The following GOLGA8A variants were observed in gnomAD, a reference collection of about 807,000 sequenced individuals.
The protein encoded by GOLGA8A is golgin subfamily A member 8A.
In GOLGA8A, 3 loss-of-function variants were observed where a neutral mutation model predicts 22.1. The observed-to-expected ratio is 0.14, with a 90% CI of 0.06 to 0.35. GOLGA8A has a LOEUF of 0.35. Among genes scored for constraint, GOLGA8A ranks in the 10% least tolerant of loss-of-function variants. The pLI, the probability that GOLGA8A is intolerant of heterozygous loss-of-function variation, is 1.00. For synonymous variants in GOLGA8A, 7 were observed against 91.7 expected, an observed-to-expected ratio of 0.08 and a Z score of 5.28; for missense variants, 16 against 233.2, an observed-to-expected ratio of 0.07 and a Z score of 6.07.
At chr15:34,421,474 T>C (rs1198772403) in intron 2 of GOLGA8A, among the ~76,000 whole-genome samples, 1 of 139,528 alleles carries the variant, frequency 7.2e-6, no homozygotes, top group Non-Finnish European at 1.5e-5. Flanking sequence ...ACCCAGGAAA[T>C]GACGCACACG....
At chr15:34,426,237 G>A (rs1236413049) in intron 2 of GOLGA8A, among the ~76,000 whole-genome samples, 1 of 149,814 alleles carries the variant, frequency 6.7e-6, no homozygotes, top group Non-Finnish European at 1.5e-5. Flanking sequence ...TATTATGCAA[G>A]CGTCAGAATA....
intron 2 of GOLGA8A, among the ~76,000 whole-genome samples, chr15:34,434,458 C>T (rs1174895349): frequency 1.3e-5 from 2 of 149,224 alleles, no homozygotes; most frequent in African/African-American, 4.9e-5. Context: ...CCGGGCCTCC[C>T]TTGTGTGTCT....
intron 1 of GOLGA8A, 64 bp downstream of exon 1, chr15:34,437,334 G>C (rs1893576827): frequency 7.0e-6 from 1 of 142,158 alleles, no homozygotes; most frequent in African/African-American, 2.6e-5. Flanking sequence ...GGTCCCCGCG[G>C]CGCCGCGGGC....
At chr15:34,434,705 T>C (rs955601801) in intron 2 of GOLGA8A, among the ~76,000 whole-genome samples, 2 of 149,282 alleles carry the variant, frequency 1.3e-5, no homozygotes, top group African/African-American at 4.9e-5. Context: ...CAGCCCCCGA[T>C]GGGCACACAG....
chr15:34,435,137 G>C (rs570703336), intron 2 of GOLGA8A, among the ~76,000 whole-genome samples: 2 of 149,374 alleles, frequency 1.3e-5, no homozygotes, highest in Non-Finnish European at 3.0e-5. Context: ...CAGAGGACAC[G>C]GAGGAGTGCC....
Position 34,386,718 on chromosome 15 carries a change from CAGAG to C in GOLGA8A, c.188_191del (p.Ser63CysfsTer15), listed in dbSNP as rs1317722450. The C allele has an allele frequency of 6.4e-7, 1 of 1,561,576 alleles. No individual in the cohort carries two copies. The highest frequency in any genetic ancestry group is 1.1e-5 in the South Asian group (1 of 89,020). ...CTTGGCACGGGCTCTGACGCGCATG[CAGAG>C]AGGAGGAGGCGGAGGAGGACTTGGG... On this transcript the variant is annotated frameshift_variant, in exon 12 of 25. Transcript: ENST00000359187. LOFTEE classifies it high-confidence loss of function.
intron 2 of GOLGA8A, chr15:34,418,880 G>A (rs1481466332): frequency 6.8e-6 from 1 of 146,578 alleles, no homozygotes. Flanking sequence ...CCAGCTGCCA[G>A]GTCAGCCTCT....
In GOLGA8A at chr15:34,434,630, G is replaced by A. The variant is rs542298043; in HGVS notation, c.-1123+753C>T. Among the ~76,000 whole-genome samples the A allele has an allele frequency of 1.0e-3, 154 of 149,174 alleles. 13 individuals carry two copies. Among genetic ancestry groups the A allele is most frequent in the African/African-American group, 3.7e-3 (149 of 40,488 alleles). On this transcript the variant is annotated intron_variant, in intron 2 of 24. Transcript: ENST00000359187. ...TGGGGAGGAACTCTGGGAAAGGAAG[G>A]AGCCAGAGAAGTCTCCCTGTGGGCG...
In GOLGA8A at chr15:34,379,842, T is replaced by C. The variant is rs16973659; in HGVS notation, c.*1569A>G. The C allele has an allele frequency of 8.5e-5, 13 of 152,694 alleles. No homozygotes were observed. Among genetic ancestry groups the C allele is most frequent in the Admixed American group, 2.6e-4 (4 of 15,284 alleles). 9.5% of individuals were successfully genotyped at this position (152,694 alleles called of 1,614,324 possible). The stretch of plus-strand genomic sequence containing the variant: ...GCAATGTATGATTGAAATGCATTCA[T>C]TCATCATGCATAGGCACAATCACAG... On this transcript the variant is annotated 3_prime_UTR_variant, in exon 25 of 25. Coordinates refer to ENST00000359187, the MANE Select transcript of GOLGA8A (RefSeq NM_181077.5).
chr15:34,420,426 C>G lies in GOLGA8A; in HGVS notation c.-1122-12691G>C, dbSNP rs1458792916. On this transcript the variant is annotated intron_variant, in intron 2 of 24. Transcript: ENST00000359187. The stretch of plus-strand genomic sequence containing the variant: ...CTCTTATCCAGACCCGGAGGGCTGC[C>G]CTGTTGACAGCACAAGCAGCTCAGG... Among the ~76,000 whole-genome samples, 7 of 148,212 alleles carry G rather than the reference C, an allele frequency of 4.7e-5. 2 individuals are homozygous for G. Among genetic ancestry groups the G allele is most frequent in the Admixed American group, 1.4e-4 (2 of 14,648 alleles).
chr15:34,425,604 T>A (rs74923716), intron 2 of GOLGA8A, among the ~76,000 whole-genome samples: 7,758 of 138,488 alleles, frequency 0.056, 406 homozygotes, highest in South Asian at 0.15. Context: ...CAATGTAAAA[T>A]TTCCAAATTT....
chr15:34,417,704 T>C (rs1892629776), intron 2 of GOLGA8A: 1 of 147,068 alleles, frequency 6.8e-6, no homozygotes, highest in Non-Finnish European at 1.5e-5. Flanking sequence ...TTTCCTTCCT[T>C]CTAGGCTCTT....
chr15:34,433,102 A>G (rs1893329642), intron 2 of GOLGA8A, among the ~76,000 whole-genome samples: 1 of 148,760 alleles, frequency 6.7e-6, no homozygotes, highest in South Asian at 2.2e-4. Flanking sequence ...TCCAAATCCC[A>G]TCCTCTTTTC....
chr15:34,432,650 G>A (rs982008802), intron 2 of GOLGA8A, among the ~76,000 whole-genome samples: 35 of 149,500 alleles, frequency 2.3e-4, no homozygotes, highest in African/African-American at 7.9e-4. Flanking sequence ...AAATGTTGGA[G>A]TGTTTCCGTT....
At position 34,431,746 on chromosome 15, in the gene GOLGA8A, T is replaced by C. The variant is rs1477009432; in HGVS notation, c.-1123+3637A>G. On this transcript the variant is annotated intron_variant, in intron 2 of 24. Transcript: ENST00000359187. Reference sequence around the variant, plus strand: ...TACACTAGTGCAGACTTTATAGACATTGTATACCTAGGCTACATTTTAAAA... The same window carrying C: ...TACACTAGTGCAGACTTTATAGACACTGTATACCTAGGCTACATTTTAAAA... Among the ~76,000 whole-genome samples, 4 of 148,858 alleles carry C rather than the reference T, an allele frequency of 2.7e-5. 1 individual carries two copies. Among genetic ancestry groups the C allele is most frequent in the Admixed American group, 6.8e-5 (1 of 14,730 alleles).
At chr15:34,431,308 TATAC>T (rs1473263297) in intron 2 of GOLGA8A, among the ~76,000 whole-genome samples, 2,170 of 30,860 alleles carry the variant, frequency 0.07, 65 homozygotes, top group African/African-American at 0.1. Context: ...TATATATATA[TATAC>T]ATATATATAT....
rs1294791083 is a variant in GOLGA8A, at chr15:34,430,589, C to T, written c.-1123+4794G>A. Among the ~76,000 whole-genome samples the T allele has an allele frequency of 2.0e-5, 3 of 149,290 alleles. 1 individual carries two copies. Among genetic ancestry groups the T allele is most frequent in the Non-Finnish European group, 4.5e-5 (3 of 67,158 alleles). On this transcript the variant is annotated intron_variant, in intron 2 of 24. Transcript: ENST00000359187. Reference sequence around the variant, plus strand: ...CTCATCACTCAGCTGACAGCTTTCACGCGTACTAGCCAGAATCAGTTAGAG... The same window carrying T: ...CTCATCACTCAGCTGACAGCTTTCATGCGTACTAGCCAGAATCAGTTAGAG...
intron 2 of GOLGA8A, chr15:34,416,801 A>AAAATAAAT (rs1187115195): frequency 1.5e-5 from 1 of 66,796 alleles, no homozygotes; most frequent in East Asian, 4.3e-4. Flanking sequence ...ATTGTCTCAA[A>AAAATAAAT]AAATAAATAA....
At chr15:34,424,862 G>A (rs1423003555) in intron 2 of GOLGA8A, among the ~76,000 whole-genome samples, 1 of 135,046 alleles carries the variant, frequency 7.4e-6, no homozygotes. Flanking sequence ...AACTTTGGGA[G>A]GCCAAGGCAA....
Sources: allele counts gnomAD v4.1 joint callset (sites outside exome capture counted in the v4.1 genomes callset), GRCh38; gene constraint gnomAD v4.1.1; transcripts MANE v1.5; gene names NCBI Gene and HGNC (gene_info 2026-07-23, HGNC 2026-07-21).